The following IRAG2 variants were observed in gnomAD, a reference collection of about 807,000 sequenced individuals.
The protein encoded by IRAG2 is inositol 1,4,5-triphosphate receptor associated 2, also known as lymphoid restricted membrane protein.
Under a neutral mutation model 69.9 loss-of-function variants are expected in IRAG2, and 45 were observed. The ratio of observed to expected loss-of-function variants is 0.64; its 90% CI spans 0.51 to 0.83. The LOEUF is 0.83. Among genes scored for constraint, IRAG2 ranks in the 40% least tolerant of loss-of-function variants. The pLI is 0.00. For synonymous variants in IRAG2, 193 were observed against 202.4 expected, an observed-to-expected ratio of 0.95 and a Z score of 0.40; for missense variants, 520 against 587.0, an observed-to-expected ratio of 0.89 and a Z score of 1.18.
chr12:25,016,103 C>G (rs117270121), intron 5 of IRAG2, among the ~76,000 whole-genome samples: 3,184 of 151,294 alleles, frequency 0.021, 44 homozygotes, highest in East Asian at 0.087. Context: ...GGCTGAGACA[C>G]GAGAATGGCT....
At chr12:25,000,066 T>C (rs1944380190), upstream of IRAG2, among the ~76,000 whole-genome samples, 1 of 152,228 alleles carries the variant, frequency 6.6e-6, no homozygotes, top group Admixed American at 6.5e-5. Flanking sequence ...TTCTTCATCA[T>C]TGTATCCCCA....
chr12:25,077,174 C>CATATATATATGATATATATATGAA lies in IRAG2; in HGVS notation c.25-2050_25-2027dup, dbSNP rs199902339. On this transcript the variant is annotated intron_variant, in intron 6 of 21. Transcript: ENST00000556887. Reference sequence around the variant, plus strand: ...GTGTGCCACCGTGCCTTGTTCATTTCATATATATATGATATATATATGAAA... The same window carrying CATATATATATGATATATATATGAA: ...GTGTGCCACCGTGCCTTGTTCATTTCATATATATATGATATATATATGAAATATATATATGATATATATATGAAA... 2.0e-4 allele frequency among the ~76,000 whole-genome samples: 7 copies of CATATATATATGATATATATATGAA among 35,886 alleles called. 2 individuals are homozygous for CATATATATATGATATATATATGAA. The highest frequency in any genetic ancestry group is 8.9e-4 in the South Asian group (1 of 1,122). The allele number at this position is 35,886 out of a possible 152,430, so 23.5% of individuals were successfully genotyped here.
intron 8 of IRAG2, among the ~76,000 whole-genome samples, chr12:25,026,610 G>T (rs912388023): frequency 6.6e-6 from 1 of 152,154 alleles, no homozygotes; most frequent in East Asian, 1.9e-4. Context: ...TGGAGGGGCT[G>T]CAGTGACTGG....
chr12:25,045,070 A>G (rs1944782313), intron 16 of IRAG2, among the ~76,000 whole-genome samples: 1 of 152,158 alleles, frequency 6.6e-6, no homozygotes, highest in Non-Finnish European at 1.5e-5. Context: ...TTTTCCTACC[A>G]TAATGGAATA....
chr12:25,045,820 C>T (rs1944787958), intron 16 of IRAG2, among the ~76,000 whole-genome samples: 1 of 143,296 alleles, frequency 7.0e-6, no homozygotes, highest in Non-Finnish European at 1.5e-5. Flanking sequence ...AACGCTAATC[C>T]TTCTGAAATT....
chr12:25,048,351 C>T (rs899588062), upstream of IRAG2, among the ~76,000 whole-genome samples: 4 of 151,940 alleles, frequency 2.6e-5, no homozygotes, highest in Non-Finnish European at 4.4e-5. Flanking sequence ...AGTGCAATGG[C>T]GGGGTCTCGA....
chr12:25,048,568 A>T (rs1392131249), upstream of IRAG2, among the ~76,000 whole-genome samples: 1 of 152,104 alleles, frequency 6.6e-6, no homozygotes, highest in Non-Finnish European at 1.5e-5. Flanking sequence ...AAGTGCTGGG[A>T]TTACAGGTGT....
intron 14 of IRAG2, among the ~76,000 whole-genome samples, chr12:25,091,789 T>G (rs1308424853): frequency 6.6e-6 from 1 of 152,238 alleles, no homozygotes; most frequent in Non-Finnish European, 1.5e-5. Context: ...TGTTTGATTT[T>G]ATGATAGCCA....
intron 6 of IRAG2, 48 bp downstream of exon 6, chr12:25,069,479 C>CA: frequency 6.6e-7 from 1 of 1,521,000 alleles, no homozygotes; most frequent in Non-Finnish European, 9.1e-7. Context: ...TTACCATATC[C>CA]TGTTCTTCTT....
chr12:25,072,241 A>AGAAAAAGAAAAAAAAGAAG (rs1946387976), intron 6 of IRAG2, among the ~76,000 whole-genome samples: 2 of 151,992 alleles, frequency 1.3e-5, no homozygotes, highest in Non-Finnish European at 1.5e-5. Flanking sequence ...AAAAAAAGAA[A>AGAAAAAGAAAAAAAAGAAG]TAGGTGCTAA....
chr12:25,055,338 T>C (rs1443725771), intron 1 of IRAG2, among the ~76,000 whole-genome samples: 1 of 152,242 alleles, frequency 6.6e-6, no homozygotes, highest in Non-Finnish European at 1.5e-5. Flanking sequence ...CCATGAAAAC[T>C]GTTCAATTGC....
chr12:25,073,821 T>A (rs1174334338), intron 6 of IRAG2, among the ~76,000 whole-genome samples: 1 of 152,202 alleles, frequency 6.6e-6, no homozygotes, highest in East Asian at 1.9e-4. Flanking sequence ...CGGATAAAAA[T>A]GTTATGATGT....
intron 14 of IRAG2, among the ~76,000 whole-genome samples, chr12:25,095,665 C>T (rs1268052750): frequency 3.3e-5 from 5 of 152,058 alleles, no homozygotes; most frequent in Admixed American, 2.6e-4. Context: ...ATAGAATGAG[C>T]TTGGAAGTAT....
chr12:25,077,203 A>G (rs1946758564), intron 6 of IRAG2, among the ~76,000 whole-genome samples: 1 of 112,346 alleles, frequency 8.9e-6, no homozygotes, highest in Non-Finnish European at 1.8e-5. Flanking sequence ...TATGAAATAT[A>G]TATATGATAT....
chr12:25,021,412 T>TA (rs952805705), intron 7 of IRAG2, among the ~76,000 whole-genome samples: 5 of 152,128 alleles, frequency 3.3e-5, no homozygotes, highest in East Asian at 1.9e-4. Context: ...CCACTTGAAT[T>TA]AAAAAAAATC....
At chr12:25,002,402 A>G (rs1944397767), upstream of IRAG2, among the ~76,000 whole-genome samples, 1 of 152,258 alleles carries the variant, frequency 6.6e-6, no homozygotes, top group Admixed American at 6.5e-5. Flanking sequence ...AGAAAAAATC[A>G]CATCATAGTT....
intron 2 of IRAG2, among the ~76,000 whole-genome samples, chr12:25,007,367 A>C (rs1237986465): frequency 6.6e-6 from 1 of 152,150 alleles, no homozygotes; most frequent in African/African-American, 2.4e-5. Context: ...AAAATTTCTC[A>C]TTTGTGTGAT....
At chr12:25,067,839 T>C (rs1946087297) in intron 5 of IRAG2, among the ~76,000 whole-genome samples, 1 of 151,906 alleles carries the variant, frequency 6.6e-6, no homozygotes, top group Non-Finnish European at 1.5e-5. Flanking sequence ...CGCTAATTTT[T>C]GTTTTTTTGT....
intron 10 of IRAG2, among the ~76,000 whole-genome samples, chr12:25,031,524 C>T (rs1320460523): frequency 6.6e-6 from 1 of 152,160 alleles, no homozygotes; most frequent in Non-Finnish European, 1.5e-5. Flanking sequence ...TTCTTTAACA[C>T]ATCATGATGA....
Sources: allele counts gnomAD v4.1 joint callset (sites outside exome capture counted in the v4.1 genomes callset), GRCh38; gene constraint gnomAD v4.1.1; transcripts MANE v1.5; gene names NCBI Gene and HGNC (gene_info 2026-07-23, HGNC 2026-07-21).